UBTD1: variants seen among roughly 807,000 people sequenced by gnomAD.
UBTD1 encodes ubiquitin domain containing 1.
UBTD1 carries 19 observed loss-of-function variants against 21.7 expected under a neutral mutation model. The ratio of observed to expected loss-of-function variants is 0.87; its 90% CI spans 0.61 to 1.28. UBTD1 has a LOEUF of 1.28. Among genes scored for constraint, UBTD1 ranks in the 50% most tolerant of loss-of-function variants. The pLI is 0.00. For synonymous variants in UBTD1, 116 were observed against 135.1 expected (o/e 0.86, Z 0.98); for missense variants, 282 against 315.1 (o/e 0.89, Z 0.80).
chr10:97,562,190 G>C (rs549368952), intron 1 of UBTD1, among the ~76,000 whole-genome samples: 2 of 152,278 alleles, frequency 1.3e-5, no homozygotes, highest in South Asian at 4.1e-4. Context: ...GATCACCTGA[G>C]GTCATGAGTT....
At chr10:97,499,796 C>T (rs922729646) in intron 1 of UBTD1, among the ~76,000 whole-genome samples, 7 of 152,188 alleles carry the variant, frequency 4.6e-5, no homozygotes, top group Non-Finnish European at 1.0e-4. Context: ...TTATTTTTCC[C>T]GCAGGGGTTT....
intron 1 of UBTD1, among the ~76,000 whole-genome samples, chr10:97,515,780 C>T (rs543440728): frequency 6.6e-6 from 1 of 152,284 alleles, no homozygotes; most frequent in African/African-American, 2.4e-5. Flanking sequence ...GAAAGAGAGT[C>T]TGGTTGGCAC....
At chr10:97,548,892 C>G (rs1427097273) in intron 1 of UBTD1, among the ~76,000 whole-genome samples, 1 of 152,224 alleles carries the variant, frequency 6.6e-6, no homozygotes, top group Non-Finnish European at 1.5e-5. Flanking sequence ...GATGGCTGGT[C>G]AGTGCCCAGC....
At chr10:97,568,782 T>C (rs1294474158) in intron 2 of UBTD1, among the ~76,000 whole-genome samples, 3 of 152,166 alleles carry the variant, frequency 2.0e-5, no homozygotes, top group Admixed American at 6.5e-5. Flanking sequence ...TATGGGGCCA[T>C]GTAAAGCAGA....
intron 1 of UBTD1, among the ~76,000 whole-genome samples, chr10:97,516,600 C>T (rs1486396409): frequency 1.3e-5 from 2 of 151,494 alleles, no homozygotes; most frequent in Non-Finnish European, 2.9e-5. Flanking sequence ...GTGGTGAAAC[C>T]CCGTCTCTAC....
chr10:97,549,573 C>T (rs895736991), intron 1 of UBTD1, among the ~76,000 whole-genome samples: 5 of 152,216 alleles, frequency 3.3e-5, no homozygotes, highest in South Asian at 2.1e-4. Flanking sequence ...ATCCTAGAGC[C>T]GAGAAGGGGG....
intron 1 of UBTD1, among the ~76,000 whole-genome samples, chr10:97,543,946 A>G (rs567416041): frequency 1.3e-5 from 2 of 152,090 alleles, no homozygotes; most frequent in African/African-American, 2.4e-5. Flanking sequence ...CCACATCTGG[A>G]CTGTTAAGTT....
Position 97,515,607 on chromosome 10 carries a change from T to G in UBTD1, c.70+16334T>G, listed in dbSNP as rs183007639. Among the ~76,000 whole-genome samples, 443 of 152,310 alleles carry G rather than the reference T, an allele frequency of 2.9e-3. 4 individuals are homozygous for G. The highest frequency in any genetic ancestry group is 9.8e-3 in the African/African-American group (408 of 41,558). ...CAGGGATTAGAAAAACCCTGTTAGATTCTCCCTCTCTCTCATCTCTGCTTC... is the reference window on the plus strand; with the variant it reads ...CAGGGATTAGAAAAACCCTGTTAGAGTCTCCCTCTCTCTCATCTCTGCTTC... On this transcript the variant is annotated intron_variant, in intron 1 of 2. Coordinates refer to ENST00000370664, the MANE Select transcript of UBTD1 (RefSeq NM_024954.5).
At chr10:97,534,585 A>G (rs200209282) in intron 1 of UBTD1, among the ~76,000 whole-genome samples, 11 of 34,382 alleles carry the variant, frequency 3.2e-4, no homozygotes, top group Non-Finnish European at 1.1e-3. Flanking sequence ...GCGCGCACAC[A>G]CACACACACA....
At chr10:97,535,291 A>G (rs937775192) in intron 1 of UBTD1, among the ~76,000 whole-genome samples, 2 of 152,118 alleles carry the variant, frequency 1.3e-5, no homozygotes, top group South Asian at 2.1e-4. Context: ...TTTCCATTAA[A>G]CAACAGCTAG....
chr10:97,503,249 C>T (rs2040385169), intron 1 of UBTD1, among the ~76,000 whole-genome samples: 1 of 152,212 alleles, frequency 6.6e-6, no homozygotes, highest in Admixed American at 6.5e-5. Context: ...ACTCTTAATG[C>T]ATCCCCAGTA....
chr10:97,549,624 T>C (rs2040626772), intron 1 of UBTD1, among the ~76,000 whole-genome samples: 1 of 152,168 alleles, frequency 6.6e-6, no homozygotes. Flanking sequence ...TCAGCTCTGC[T>C]CAGGACCACC....
chr10:97,567,866 G>A, intron 1 of UBTD1, 48 bp from the exon 2 acceptor site: 1 of 1,594,594 alleles, frequency 6.3e-7, no homozygotes, highest in South Asian at 1.1e-5. Flanking sequence ...GCAGGTTGCA[G>A]CTCAAGTGGC....
At chr10:97,550,407 C>T (rs1003868823) in intron 1 of UBTD1, among the ~76,000 whole-genome samples, 3 of 152,226 alleles carry the variant, frequency 2.0e-5, no homozygotes, top group South Asian at 2.1e-4. Context: ...TATTCCAGTC[C>T]CTGAAGTCAC....
Position 97,529,008 on chromosome 10 carries a change from C to T in UBTD1, c.70+29735C>T, listed in dbSNP as rs533111534. On this transcript the variant is annotated intron_variant, in intron 1 of 2. Coordinates refer to ENST00000370664, the MANE Select transcript of UBTD1 (RefSeq NM_024954.5). ...GCGGAGACGCTCCTCACTTCCCAGA[C>T]GGGGTGGCAGCCGGGCGGAGGGTCT... is the stretch of plus-strand genomic sequence containing the variant. 3.7e-3 allele frequency among the ~76,000 whole-genome samples: 555 copies of T among 151,460 alleles called. 1 individual carries two copies. The highest frequency in any genetic ancestry group is 6.0e-3 in the Non-Finnish European group (404 of 67,752).
In UBTD1 at chr10:97,520,795, C is replaced by T. The variant is rs568455129; in HGVS notation, c.70+21522C>T. On this transcript the variant is annotated intron_variant, in intron 1 of 2. Transcript: ENST00000370664. Reference sequence around the variant, plus strand: ...AAGGGAAATAAGCAAGTGGCCACCCCGGTTTCTGCCCTGTTGGGGTAAGGA... The same window carrying T: ...AAGGGAAATAAGCAAGTGGCCACCCTGGTTTCTGCCCTGTTGGGGTAAGGA... Among the ~76,000 whole-genome samples, 10 of 152,238 alleles carry T rather than the reference C, an allele frequency of 6.6e-5. No individual in the cohort carries two copies. The East Asian group carries it at 1.4e-3, about 21-fold the overall frequency.
chr10:97,506,027 TA>T (rs1357150828), intron 1 of UBTD1, among the ~76,000 whole-genome samples: 3 of 152,218 alleles, frequency 2.0e-5, no homozygotes, highest in Non-Finnish European at 4.4e-5. Flanking sequence ...GGTTTGGGAC[TA>T]GGGGTTGTTG....
At chr10:97,564,789 C>A (rs2040709731) in intron 1 of UBTD1, among the ~76,000 whole-genome samples, 1 of 152,210 alleles carries the variant, frequency 6.6e-6, no homozygotes, top group South Asian at 2.1e-4. Context: ...GTCTCGAACT[C>A]CTGACCTCAG....
intron 1 of UBTD1, among the ~76,000 whole-genome samples, chr10:97,558,890 C>T (rs1281947718): frequency 1.3e-5 from 2 of 151,998 alleles, no homozygotes; most frequent in Admixed American, 1.3e-4. Flanking sequence ...TTTTTTCTTC[C>T]TCTGGTTGAT....
Sources: allele counts gnomAD v4.1 joint callset (sites outside exome capture counted in the v4.1 genomes callset), GRCh38; gene constraint gnomAD v4.1.1; transcripts MANE v1.5; gene names NCBI Gene and HGNC (gene_info 2026-07-23, HGNC 2026-07-21).